FLYWCH1: variants seen among roughly 807,000 people sequenced by gnomAD.
The protein encoded by FLYWCH1 is FLYWCH-type zinc finger-containing protein 1.
In FLYWCH1, 75 loss-of-function variants were observed where a neutral mutation model predicts 66.4. The observed-to-expected ratio is 1.13, with a 90% CI of 0.94 to 1.37. The LOEUF (loss-of-function observed/expected upper bound fraction) is 1.37. Among genes scored for constraint, FLYWCH1 ranks in the 40% most tolerant of loss-of-function variants. The probability of loss-of-function intolerance (pLI) is 0.00; values close to 1 mark genes in which losing one functional copy is unlikely to be tolerated. For missense variants in FLYWCH1, 1,334 were observed against 1,001.8 expected (o/e 1.33, Z -4.48); for synonymous variants, 595 against 429.9 (o/e 1.38, Z -4.75).
At position 2,937,025 on chromosome 16, in the gene FLYWCH1, AGGTGTGGGC is replaced by A; in HGVS notation, c.1514-94_1514-86del. On this transcript the variant is annotated intron_variant, in intron 6 of 9. Coordinates refer to ENST00000253928, the MANE Select transcript of FLYWCH1 (RefSeq NM_001308068.2). Reference sequence around the variant, plus strand: ...CCGGGGCCACCTCACTGTGAGGAGGAGGTGTGGGCGTTGTGGGAGGTCTCATCTCGGGGC... The same window carrying A: ...CCGGGGCCACCTCACTGTGAGGAGGAGTTGTGGGAGGTCTCATCTCGGGGC... The A allele has an allele frequency of 2.2e-6, 3 of 1,356,278 alleles. No individual in the cohort carries two copies. The South Asian group carries it at 4.5e-5, about 20-fold the overall frequency. 84.0% of individuals were successfully genotyped at this position (1,356,278 alleles called of 1,614,324 possible). A position where few individuals can be genotyped will look rare whatever the true frequency, so the allele number is the denominator to read the frequency against.
rs781555162 is a variant in FLYWCH1, at chr16:2,930,612, C to G, written c.528C>G (p.Pro176=). The change falls in exon 4 of 10, where the codon CCC becomes CCG. Residue 176 remains proline (P), a synonymous_variant. Transcript: ENST00000253928. ...TGATGCGGGGCCACTGCCACGCGCC[C>G]GATGAGCAAGGCCTGGAGGCCCGGC... ...ATVMRGHCHA[P]DEQGLEARRQ... is the part of the protein sequence containing the mutation. The G allele has an allele frequency of 5.2e-6, 8 of 1,551,540 alleles. No homozygotes were observed. The highest frequency in any genetic ancestry group is 7.0e-6 in the Non-Finnish European group (8 of 1,148,612).
chr16:2,936,600 G>A (rs1461682200), intron 6 of FLYWCH1: 4 of 457,002 alleles, frequency 8.8e-6, no homozygotes, highest in African/African-American at 2.0e-5. Flanking sequence ...TCTGGGCAAG[G>A]CACAGCCACC....
At chr16:2,915,154 TCC>T (rs2070126185) in intron 2 of FLYWCH1, 3 of 150,088 alleles carry the variant, frequency 2.0e-5, no homozygotes, top group Non-Finnish European at 4.4e-5. Context: ...TTTTTTTTTT[TCC>T]TGAGACAGTC....
chr16:2,929,099 T>C (rs1352812552), intron 2 of FLYWCH1, among the ~76,000 whole-genome samples: 2 of 152,220 alleles, frequency 1.3e-5, no homozygotes, highest in African/African-American at 4.8e-5. Context: ...GACAGGTGCC[T>C]GGCGTCCTGG....
At chr16:2,936,961 A>C in intron 6 of FLYWCH1, 160 bp from the exon 7 acceptor site, 1 of 931,618 alleles carries the variant, frequency 1.1e-6, no homozygotes, top group Admixed American at 2.7e-5. Flanking sequence ...CTGGAGCCCC[A>C]GCAGAGTTGG....
At chr16:2,930,954 A>G in intron 4 of FLYWCH1, 74 bp downstream of exon 4, 2 of 1,148,058 alleles carry the variant, frequency 1.7e-6, no homozygotes, top group East Asian at 5.2e-5. Flanking sequence ...GCCCAAATAG[A>G]AATGTGGGGT....
chr16:2,921,276 C>G lies in FLYWCH1; in HGVS notation c.-74+6987C>G. Among the ~76,000 whole-genome samples the G allele has an allele frequency of 1.3e-5, 2 of 152,216 alleles. 1 individual carries two copies. Among genetic ancestry groups the G allele is most frequent in the South Asian group, 4.1e-4 (2 of 4,826 alleles). ...AGTATCACCACCATCAATTTTAGGA[C>G]TTTTTAAGTCTACAATTCATTGCTT... On this transcript the variant is annotated intron_variant, in intron 2 of 9. Transcript: ENST00000253928.
chr16:2,935,220 G>C (rs940570199), intron 6 of FLYWCH1: 2 of 152,656 alleles, frequency 1.3e-5, no homozygotes, highest in Non-Finnish European at 2.9e-5. Context: ...ACCATACCCG[G>C]CCACGTTTGG....
intron 1 of FLYWCH1, among the ~76,000 whole-genome samples, chr16:2,913,858 T>TA (rs200447644): frequency 1.0e-3 from 108 of 103,054 alleles, no homozygotes; most frequent in Non-Finnish European, 2.1e-3. Flanking sequence ...CCAGGAGCTT[T>TA]AAAAAAAAAT....
intron 4 of FLYWCH1, among the ~76,000 whole-genome samples, chr16:2,931,959 C>CA (rs1225480609): frequency 1.2e-4 from 18 of 151,968 alleles, no homozygotes; most frequent in Admixed American, 9.8e-4. Flanking sequence ...TAAAAAAATA[C>CA]AAAAAAAGAT....
chr16:2,920,741 A>C (rs1056332986), intron 2 of FLYWCH1, among the ~76,000 whole-genome samples: 5 of 149,386 alleles, frequency 3.3e-5, no homozygotes, highest in African/African-American at 1.2e-4. Flanking sequence ...GGGTTTCTCC[A>C]TGTTGGTCGG....
chr16:2,944,783 C>A (rs969060302), intron 9 of FLYWCH1, among the ~76,000 whole-genome samples: 1 of 151,246 alleles, frequency 6.6e-6, no homozygotes, highest in Admixed American at 6.6e-5. Context: ...GATGGTGCCA[C>A]TGCCCTCCAG....
intron 1 of FLYWCH1, among the ~76,000 whole-genome samples, 166 bp from the exon 2 acceptor site, chr16:2,914,010 C>T (rs1294569207): frequency 6.6e-6 from 1 of 152,184 alleles, no homozygotes; most frequent in Non-Finnish European, 1.5e-5. Flanking sequence ...GTGCCACCGG[C>T]CCATTCAGAA....
intron 8 of FLYWCH1, among the ~76,000 whole-genome samples, 159 bp downstream of exon 8, chr16:2,938,615 T>G (rs897734768): frequency 2.7e-5 from 4 of 149,718 alleles, no homozygotes; most frequent in Non-Finnish European, 6.0e-5. Flanking sequence ...TTGTTTTTTT[T>G]TTTTTTTTTT....
intron 8 of FLYWCH1, among the ~76,000 whole-genome samples, chr16:2,939,036 T>A (rs936545676): frequency 2.0e-5 from 3 of 151,940 alleles, no homozygotes; most frequent in Non-Finnish European, 2.9e-5. Flanking sequence ...GCCTCCCGAG[T>A]AACTGGGATT....
Position 2,933,441 on chromosome 16 carries a change from G to A in FLYWCH1, c.1108G>A (p.Asp370Asn). 1 of 1,601,592 alleles carries A rather than the reference G, an allele frequency of 6.2e-7. No homozygotes were observed. The change falls in exon 5 of 10, where the codon GAT (aspartate) becomes AAT (asparagine). Residue 370 changes from aspartate (D) to asparagine (N), a missense_variant. Physicochemically the swap from Asp to Asn is conservative, Grantham distance 23. Transcript: ENST00000253928. ...AGTGGACACGCTGCTCCGAGGCGTG[G>A]ATAGTTTGCTCTACCGCAGGGGTCC... ...SQVDTLLRGVDSLLYRRGPGP... is the reference protein window; with the variant it reads ...SQVDTLLRGVNSLLYRRGPGP...
At chr16:2,922,305 A>G (rs2070401859) in intron 2 of FLYWCH1, 1 of 157,288 alleles carries the variant, frequency 6.4e-6, no homozygotes, top group Non-Finnish European at 1.4e-5. Flanking sequence ...ATTCATGTAA[A>G]TTGCATCCTA....
intron 4 of FLYWCH1, among the ~76,000 whole-genome samples, chr16:2,931,740 T>G (rs950580948): frequency 1.0e-4 from 15 of 150,222 alleles, no homozygotes; most frequent in Non-Finnish European, 1.9e-4. Context: ...GAGGCTGAGG[T>G]GGGCGGATCA....
chr16:2,920,581 T>C (rs867945802), intron 2 of FLYWCH1, among the ~76,000 whole-genome samples: 1 of 151,836 alleles, frequency 6.6e-6, no homozygotes, highest in South Asian at 2.1e-4. Flanking sequence ...ATTGTTTGTT[T>C]GTTTGTTTTT....
Sources: gnomAD v4.1 joint callset for allele counts (sites outside exome capture counted in the v4.1 genomes callset) on GRCh38, gnomAD v4.1.1 for gene constraint, MANE v1.5 for transcripts, NCBI Gene and HGNC (gene_info 2026-07-23, HGNC 2026-07-21) for gene names.